SUMF1: variants seen among roughly 807,000 people sequenced by gnomAD.
SUMF1 encodes the protein formylglycine-generating enzyme.
In SUMF1, 48 loss-of-function variants were observed where a neutral mutation model predicts 47.6. The ratio of observed to expected loss-of-function variants is 1.01; its 90% CI spans 0.80 to 1.28. SUMF1 has a LOEUF of 1.28. Ranked by LOEUF, SUMF1 falls within the 50% of genes most tolerant of loss-of-function variation. SUMF1 has a pLI of 0.00. For synonymous variants in SUMF1, 230 were observed against 192.1 expected (o/e 1.20, Z -1.63); for missense variants, 571 against 485.4 (o/e 1.18, Z -1.66).
intron 8 of SUMF1, among the ~76,000 whole-genome samples, chr3:4,146,293 G>C (rs1020793514): frequency 2.0e-5 from 3 of 151,952 alleles, no homozygotes; most frequent in Non-Finnish European, 2.9e-5. Flanking sequence ...GAACAGAAGA[G>C]GGAGCAGCAC....
At chr3:4,107,555 C>T (rs1034620993) in intron 8 of SUMF1, among the ~76,000 whole-genome samples, 1 of 152,130 alleles carries the variant, frequency 6.6e-6, no homozygotes, top group Non-Finnish European at 1.5e-5. Context: ...AAAGGACTCT[C>T]TTCGTTGTAA....
intron 8 of SUMF1, 148 bp from the exon 9 acceptor site, chr3:4,362,402 C>A (rs191022798): frequency 1.4e-6 from 1 of 705,714 alleles, no homozygotes; most frequent in South Asian, 1.6e-5. Flanking sequence ...TTAAAAAGGG[C>A]AGCACATTCA....
At chr3:4,320,621 A>T (rs1698809213) in intron 8 of SUMF1, among the ~76,000 whole-genome samples, 1 of 152,176 alleles carries the variant, frequency 6.6e-6, no homozygotes, top group Non-Finnish European at 1.5e-5. Context: ...AGATTGTCTT[A>T]TGTAAATAAA....
intron 8 of SUMF1, among the ~76,000 whole-genome samples, chr3:4,161,996 G>A (rs1444193936): frequency 6.6e-6 from 1 of 152,094 alleles, no homozygotes; most frequent in Non-Finnish European, 1.5e-5. Flanking sequence ...ATTTTTCAGG[G>A]CCCAAGGGCT....
intron 8 of SUMF1, among the ~76,000 whole-genome samples, chr3:4,194,001 A>T (rs1233944080): frequency 1.3e-5 from 2 of 152,128 alleles, no homozygotes; most frequent in African/African-American, 2.4e-5. Context: ...AAAACAATTC[A>T]ATGAAAGTAA....
At chr3:4,182,788 T>G (rs1695123782) in intron 8 of SUMF1, among the ~76,000 whole-genome samples, 4 of 152,196 alleles carry the variant, frequency 2.6e-5, no homozygotes, top group African/African-American at 9.7e-5. Context: ...ATATTAGTAC[T>G]ATGCTTTAGA....
chr3:4,151,005 A>C (rs1226438239), intron 8 of SUMF1, among the ~76,000 whole-genome samples: 4 of 151,478 alleles, frequency 2.6e-5, no homozygotes, highest in Non-Finnish European at 5.9e-5. Context: ...TGGCCTTCAC[A>C]CCTGAAGTCC....
At chr3:4,352,912 G>T (rs1432057280) in intron 8 of SUMF1, among the ~76,000 whole-genome samples, 2 of 152,004 alleles carry the variant, frequency 1.3e-5, no homozygotes, top group Admixed American at 6.5e-5. Context: ...AATTCTTTTT[G>T]ACCGTCCTTA....
Position 4,063,091 on chromosome 3 carries a change from T to A in SUMF1, c.1191+5478A>T, listed in dbSNP as rs146254531. On this transcript the variant is annotated intron_variant and NMD_transcript_variant, in intron 9 of 12. Coordinates refer to the SUMF1 transcript ENST00000448413. ...ACAAGCATTTATTGACATCTTTACATATGCCAATGCGATCTGAGAGACTAC... is the reference window on the plus strand; with the variant it reads ...ACAAGCATTTATTGACATCTTTACAAATGCCAATGCGATCTGAGAGACTAC... Among the ~76,000 whole-genome samples, 163 of 152,196 alleles carry A rather than the reference T, an allele frequency of 1.1e-3. 2 individuals carry two copies. The South Asian group carries it at 0.024, about 22-fold the overall frequency.
chr3:4,167,104 T>C (rs764915271), intron 8 of SUMF1, among the ~76,000 whole-genome samples: 1 of 152,034 alleles, frequency 6.6e-6, no homozygotes, highest in Admixed American at 6.6e-5. Flanking sequence ...TTCCTTCTGG[T>C]GGGTTCATGA....
chr3:4,211,159 CAT>C (rs1346149307), intron 8 of SUMF1, among the ~76,000 whole-genome samples: 2 of 103,476 alleles, frequency 1.9e-5, no homozygotes, highest in African/African-American at 3.7e-5. Context: ...CATATATATA[CAT>C]ATATATACAC....
chr3:4,147,455 C>G (rs1694221936), intron 8 of SUMF1, among the ~76,000 whole-genome samples: 1 of 152,128 alleles, frequency 6.6e-6, no homozygotes, highest in Non-Finnish European at 1.5e-5. Flanking sequence ...TCTACCTAAT[C>G]TTTCATTTTT....
At position 4,253,954 on chromosome 3, in the gene SUMF1, C is replaced by T. The variant is rs577537050; in HGVS notation, c.1014+122376G>A. Among the ~76,000 whole-genome samples, 84 of 150,068 alleles carry T rather than the reference C, an allele frequency of 5.6e-4. No homozygotes were observed. The Middle Eastern group carries it at 0.01, about 18-fold the overall frequency. ...CTGCCTCCTCAAGTGGGTCCCTGAC[C>T]CCTGACCCCCGAGCAGCCTAACTGG... On this transcript the variant is annotated intron_variant and NMD_transcript_variant, in intron 8 of 12. Transcript: ENST00000448413.
chr3:4,131,060 G>C (rs913565009), intron 8 of SUMF1, among the ~76,000 whole-genome samples: 1 of 152,102 alleles, frequency 6.6e-6, no homozygotes, highest in Non-Finnish European at 1.5e-5. Context: ...CTCCTTTTGA[G>C]AGACAGCTCT....
At chr3:4,317,287 C>T in intron 8 of SUMF1, 1 of 1,324,386 alleles carries the variant, frequency 7.6e-7, no homozygotes, top group Non-Finnish European at 1.0e-6. Context: ...TTAAAATTCA[C>T]AGTCCAAAAC....
intron 8 of SUMF1, chr3:4,303,391 G>A (rs747755676): frequency 1.9e-6 from 3 of 1,559,646 alleles, no homozygotes; most frequent in South Asian, 1.2e-5. Context: ...AAGCGGCAAA[G>A]ACGACACGGC....
intron 8 of SUMF1, 70 bp from the exon 9 acceptor site, chr3:4,362,324 C>A: frequency 7.9e-7 from 1 of 1,258,470 alleles, no homozygotes; most frequent in South Asian, 1.2e-5. Context: ...CCATCAGATG[C>A]ATATTGCACC....
At chr3:4,397,769 C>A (rs1291303647) in intron 7 of SUMF1, among the ~76,000 whole-genome samples, 2 of 152,058 alleles carry the variant, frequency 1.3e-5, no homozygotes, top group Non-Finnish European at 2.9e-5. Flanking sequence ...TATCTCCTTT[C>A]CACATCCCTA....
rs561109141 is a variant in SUMF1 at position 4,169,623 on chromosome 3, C to T, written c.1015-100878G>A. Reference sequence around the variant, plus strand: ...AATCTCTTTTGTTTTAACCAGTTTGCGTACCTTTTTACTGAAGCCCTAACA... The same window carrying T: ...AATCTCTTTTGTTTTAACCAGTTTGTGTACCTTTTTACTGAAGCCCTAACA... On this transcript the variant is annotated intron_variant and NMD_transcript_variant, in intron 8 of 12. Transcript: ENST00000448413. 7.2e-5 allele frequency among the ~76,000 whole-genome samples: 11 copies of T among 152,250 alleles called. No homozygotes were observed. The South Asian group carries it at 1.9e-3, about 26-fold the overall frequency.
Sources: allele counts gnomAD v4.1 joint callset (sites outside exome capture counted in the v4.1 genomes callset), GRCh38; gene constraint gnomAD v4.1.1; transcripts MANE v1.5; gene names NCBI Gene and HGNC (gene_info 2026-07-23, HGNC 2026-07-21).